Variants in TLK2 observed in about 807,000 individuals in gnomAD.
TLK2 encodes tousled like kinase 2, also known as serine/threonine-protein kinase tousled-like 2.
In TLK2, 6 loss-of-function variants were observed where a neutral mutation model predicts 117.3. That is an observed-to-expected ratio of 0.05 (90% CI 0.03 to 0.10). TLK2 has a LOEUF of 0.10. TLK2 is among the 10% of genes least tolerant of loss of function. TLK2 has a pLI of 1.00. For synonymous variants in TLK2, 257 were observed against 316.7 expected (o/e 0.81, Z 2.00); for missense variants, 299 against 901.2 (o/e 0.33, Z 8.56).
intron 6 of TLK2, among the ~76,000 whole-genome samples, chr17:62,532,418 T>C (rs542068414): frequency 1.3e-5 from 2 of 152,216 alleles, no homozygotes; most frequent in African/African-American, 4.8e-5. Context: ...GTATCACAGG[T>C]GTTCTGGAGC....
chr17:62,537,053 G>A lies in TLK2; in HGVS notation c.531+716G>A, dbSNP rs2465415. 3.9e-5 allele frequency among the ~76,000 whole-genome samples: 6 copies of A among 152,122 alleles called. No homozygotes were observed. In the East Asian group the frequency reaches 5.8e-4, roughly 15 times the overall value. ...GGGTGCCAGAGTAACAGAAAGCCCC[G>A]TCGCCGTATTCCTATTCCACTTTCA... On this transcript the variant is annotated intron_variant, in intron 7 of 21. Coordinates refer to ENST00000346027, the MANE Select transcript of TLK2 (RefSeq NM_006852.6).
chr17:62,479,885 C>T (rs1341149651), intron 1 of TLK2, among the ~76,000 whole-genome samples: 1 of 152,204 alleles, frequency 6.6e-6, no homozygotes, highest in Non-Finnish European at 1.5e-5. Flanking sequence ...GCCATTCCGA[C>T]CTCGATTAGG....
chr17:62,486,239 C>G (rs1374836214), intron 2 of TLK2, among the ~76,000 whole-genome samples: 5 of 152,064 alleles, frequency 3.3e-5, no homozygotes, highest in Admixed American at 2.0e-4. Context: ...TCGCTGCAGC[C>G]TCTGCCTCCC....
intron 15 of TLK2, chr17:62,585,742 AT>A (rs1277140334): frequency 1.3e-5 from 2 of 157,136 alleles, no homozygotes; most frequent in African/African-American, 4.8e-5. Context: ...TGTCCCTGGA[AT>A]TTCAAAAGTG....
At position 62,516,627 on chromosome 17, in the gene TLK2, C is replaced by T. The variant is rs754576912; in HGVS notation, c.82-4146C>T. ...CTCGGCACTTGAGAGACTGCATGGC[C>T]TTCATGACATGAAGGTTGGGCACAT... On this transcript the variant is annotated intron_variant, in intron 2 of 21. Coordinates refer to ENST00000346027, the MANE Select transcript of TLK2 (RefSeq NM_006852.6). The T allele has an allele frequency of 9.7e-5, 156 of 1,610,184 alleles. 2 individuals carry two copies. The South Asian group carries it at 1.5e-3, about 16-fold the overall frequency.
At chr17:62,572,657 T>G (rs527574901) in intron 11 of TLK2, among the ~76,000 whole-genome samples, 76 of 152,322 alleles carry the variant, frequency 5.0e-4, no homozygotes, top group Middle Eastern at 6.8e-3. Flanking sequence ...TTAATCTAGG[T>G]GTCACTGTAT....
chr17:62,611,223 G>A (rs773188383), intron 21 of TLK2, among the ~76,000 whole-genome samples: 10 of 152,200 alleles, frequency 6.6e-5, no homozygotes, highest in Non-Finnish European at 1.0e-4. Flanking sequence ...CACCTAGAAA[G>A]GCTCATTTTT....
rs1421776743 is a variant in TLK2, at chr17:62,557,357, G to A, written c.721-2659G>A. 3.3e-5 allele frequency among the ~76,000 whole-genome samples: 5 copies of A among 152,156 alleles called. No individual in the cohort carries two copies. The South Asian group carries it at 6.2e-4, about 19-fold the overall frequency. The stretch of plus-strand genomic sequence containing the variant: ...CGTCTTTTTGCATTTTATGAAATAT[G>A]ACAAGAAGTATTCTAAAATGTTCTT... On this transcript the variant is annotated intron_variant, in intron 9 of 21. Coordinates refer to ENST00000346027, the MANE Select transcript of TLK2 (RefSeq NM_006852.6).
intron 6 of TLK2, among the ~76,000 whole-genome samples, chr17:62,525,407 A>G (rs375885531): frequency 6.6e-6 from 1 of 152,090 alleles, no homozygotes; most frequent in East Asian, 1.9e-4. Flanking sequence ...AAAACAACTA[A>G]GAAGTTTTGG....
At chr17:62,583,167 C>T (rs1014419474) in intron 15 of TLK2, among the ~76,000 whole-genome samples, 2 of 152,200 alleles carry the variant, frequency 1.3e-5, no homozygotes, top group Non-Finnish European at 2.9e-5. Context: ...TCTCGGCTCA[C>T]TGCAACCTCC....
At chr17:62,506,974 A>G (rs2074747804) in intron 2 of TLK2, among the ~76,000 whole-genome samples, 1 of 152,200 alleles carries the variant, frequency 6.6e-6, no homozygotes, top group African/African-American at 2.4e-5. Context: ...GAACTGTAAT[A>G]GCTCATTTTC....
chr17:62,571,215 A>G (rs1170817033), intron 11 of TLK2, among the ~76,000 whole-genome samples: 1 of 152,196 alleles, frequency 6.6e-6, no homozygotes. Context: ...TTCCTCAGAT[A>G]CCAAAATCCA....
At chr17:62,548,139 G>C (rs1352551162) in intron 7 of TLK2, among the ~76,000 whole-genome samples, 1 of 151,688 alleles carries the variant, frequency 6.6e-6, no homozygotes, top group Non-Finnish European at 1.5e-5. Flanking sequence ...TTTGTTTACG[G>C]TATTCCACGG....
chr17:62,598,132 C>G (rs2082613368), intron 17 of TLK2, among the ~76,000 whole-genome samples: 1 of 152,188 alleles, frequency 6.6e-6, no homozygotes, highest in South Asian at 2.1e-4. Flanking sequence ...ATGTGTGTTT[C>G]ACGTGGAGTG....
chr17:62,568,619 C>G (rs938769652), intron 11 of TLK2, among the ~76,000 whole-genome samples: 1 of 152,038 alleles, frequency 6.6e-6, no homozygotes, highest in Non-Finnish European at 1.5e-5. Flanking sequence ...GAGCCTCACT[C>G]TATTGCCCAG....
chr17:62,577,998 G>T (rs552074353), intron 13 of TLK2, among the ~76,000 whole-genome samples: 217 of 152,356 alleles, frequency 1.4e-3, no homozygotes, highest in African/African-American at 5.0e-3. Flanking sequence ...AGTGAACCGA[G>T]ATCGTGCCAT....
At position 62,607,921 on chromosome 17, in the gene TLK2, G is replaced by GCAGCAATTGAA. The variant is rs2083437150; in HGVS notation, c.1972-120_1972-119insCAGCAATTGAA. The GCAGCAATTGAA allele has an allele frequency of 6.4e-6, 5 of 776,102 alleles. No individual in the cohort carries two copies. In the Admixed American group the frequency reaches 8.9e-5, roughly 14 times the overall value. The allele number at this position is 776,102 out of a possible 1,614,324, so 48.1% of individuals were successfully genotyped here. On this transcript the variant is annotated intron_variant, in intron 20 of 21. Transcript: ENST00000346027. ...AGAACTAGAGGGGATTGTCTCCAGA[G>GCAGCAATTGAA]TTCCTTGCAGCAATTCAAATTAGAA... is the stretch of plus-strand genomic sequence containing the variant.
intron 16 of TLK2, among the ~76,000 whole-genome samples, chr17:62,590,118 A>AAAAAAAAAC (rs968371638): frequency 1.3e-5 from 2 of 148,996 alleles, no homozygotes; most frequent in Non-Finnish European, 3.0e-5. Context: ...TTAACCTTGA[A>AAAAAAAAAC]AAAAAAAACA....
At chr17:62,515,127 T>C (rs2075471591) in intron 2 of TLK2, among the ~76,000 whole-genome samples, 1 of 152,240 alleles carries the variant, frequency 6.6e-6, no homozygotes, top group Non-Finnish European at 1.5e-5. Flanking sequence ...ATTTGTCTTC[T>C]TGTGACTGGC....
Sources: allele counts gnomAD v4.1 joint callset (sites outside exome capture counted in the v4.1 genomes callset), GRCh38; gene constraint gnomAD v4.1.1; transcripts MANE v1.5; gene names NCBI Gene and HGNC (gene_info 2026-07-23, HGNC 2026-07-21).